Variants in RASGRP1 observed in about 807,000 individuals in gnomAD.
The protein encoded by RASGRP1 is RAS guanyl-releasing protein 1.
Under a neutral mutation model 95.1 loss-of-function variants are expected in RASGRP1, and 37 were observed. The observed-to-expected ratio is 0.39, with a 90% CI of 0.30 to 0.51. The LOEUF is 0.51. Ranked by LOEUF, RASGRP1 falls within the 20% of genes least tolerant of loss-of-function variation. The pLI, the probability that RASGRP1 is intolerant of heterozygous loss-of-function variation, is 0.80. For synonymous variants in RASGRP1, 325 were observed against 353.4 expected (o/e 0.92, Z 0.90); for missense variants, 711 against 965.4 (o/e 0.74, Z 3.49).
At chr15:38,501,801 T>C (rs58948325) in intron 12 of RASGRP1, among the ~76,000 whole-genome samples, 2,102 of 152,218 alleles carry the variant, frequency 0.014, 50 homozygotes, top group African/African-American at 0.047. Flanking sequence ...CTTTTTCTTA[T>C]TTATAGTTGA....
intron 15 of RASGRP1, among the ~76,000 whole-genome samples, chr15:38,497,776 C>T (rs1303556848): frequency 6.6e-6 from 1 of 152,152 alleles, no homozygotes; most frequent in African/African-American, 2.4e-5. Flanking sequence ...AAAGTCATTT[C>T]CTTATTGTAC....
chr15:38,521,695 CT>C (rs368284535), intron 3 of RASGRP1, among the ~76,000 whole-genome samples: 34 of 152,288 alleles, frequency 2.2e-4, no homozygotes, highest in Middle Eastern at 3.4e-3. Flanking sequence ...ATACCTTTTT[CT>C]TTTCTTCATA....
At chr15:38,539,156 G>T (rs1424550112) in intron 2 of RASGRP1, among the ~76,000 whole-genome samples, 1 of 152,146 alleles carries the variant, frequency 6.6e-6, no homozygotes, top group East Asian at 1.9e-4. Context: ...GTCTTCTGAG[G>T]TAAACCCTGC....
At chr15:38,520,837 C>G (rs1001163909) in intron 3 of RASGRP1, among the ~76,000 whole-genome samples, 1 of 152,062 alleles carries the variant, frequency 6.6e-6, no homozygotes, top group Admixed American at 6.5e-5. Context: ...ACATGCTAGA[C>G]TTATGGAAAC....
At chr15:38,492,682 A>G (rs1056864397) in intron 16 of RASGRP1, among the ~76,000 whole-genome samples, 2 of 152,158 alleles carry the variant, frequency 1.3e-5, no homozygotes, top group Non-Finnish European at 2.9e-5. Flanking sequence ...AGAAACTACT[A>G]TGCCATGGGA....
rs374931287 is a variant in RASGRP1 at position 38,499,898 on chromosome 15, C to T, written c.1720+205G>A. ...CTTTTCCCCCTTTTGCTCAGCACTT[C>T]TCCTTCCTGCCAGCATGTGAAGAAG... On this transcript the variant is annotated intron_variant, in intron 14 of 16. Transcript: ENST00000310803. 4.6e-5 allele frequency among the ~76,000 whole-genome samples: 7 copies of T among 152,298 alleles called. 1 individual carries two copies. Among genetic ancestry groups the T allele is most frequent in the African/African-American group, 1.4e-4 (6 of 41,556 alleles).
chr15:38,498,164 T>G (rs953507092), intron 15 of RASGRP1, among the ~76,000 whole-genome samples: 1 of 152,154 alleles, frequency 6.6e-6, no homozygotes, highest in South Asian at 2.1e-4. Flanking sequence ...GATTTTTCCT[T>G]CTCAATTTTA....
At chr15:38,551,069 T>A (rs1893322506) in intron 2 of RASGRP1, among the ~76,000 whole-genome samples, 1 of 152,204 alleles carries the variant, frequency 6.6e-6, no homozygotes. Context: ...TAGCTATTAC[T>A]AAAATAATAT....
At chr15:38,518,248 G>C in intron 5 of RASGRP1, 44 bp downstream of exon 5, 1 of 1,588,090 alleles carries the variant, frequency 6.3e-7, no homozygotes, top group South Asian at 1.1e-5. Context: ...TATATTACAG[G>C]AGGGAGGTGG....
chr15:38,502,946 G>A, intron 11 of RASGRP1: 1 of 366,784 alleles, frequency 2.7e-6, no homozygotes, highest in South Asian at 4.3e-5. Context: ...CAGTACAAAG[G>A]TTTTCAGTTT....
At chr15:38,552,984 A>C (rs1185935441) in intron 2 of RASGRP1, among the ~76,000 whole-genome samples, 2 of 152,188 alleles carry the variant, frequency 1.3e-5, no homozygotes, top group Non-Finnish European at 2.9e-5. Flanking sequence ...CTGACTACAT[A>C]GTTGGTGGGA....
chr15:38,531,873 C>G (rs1174551509), intron 2 of RASGRP1, among the ~76,000 whole-genome samples: 1 of 152,220 alleles, frequency 6.6e-6, no homozygotes, highest in African/African-American at 2.4e-5. Flanking sequence ...CTCTCCCACA[C>G]ATAAGCTCCA....
At chr15:38,518,800 T>G (rs1891886972) in intron 4 of RASGRP1, among the ~76,000 whole-genome samples, 1 of 152,222 alleles carries the variant, frequency 6.6e-6, no homozygotes, top group Non-Finnish European at 1.5e-5. Context: ...ATTACATGGC[T>G]ATTAAAAAGA....
At chr15:38,560,819 G>A (rs1893775370) in intron 1 of RASGRP1, among the ~76,000 whole-genome samples, 1 of 152,198 alleles carries the variant, frequency 6.6e-6, no homozygotes, top group South Asian at 2.1e-4. Flanking sequence ...CCAGCACTCA[G>A]TGTAAAAGGG....
chr15:38,499,122 A>G, intron 14 of RASGRP1, 176 bp from the exon 15 acceptor site: 1 of 852,376 alleles, frequency 1.2e-6, no homozygotes, highest in East Asian at 2.5e-5. Context: ...TGAAGCCCAG[A>G]GCTCACACTC....
At chr15:38,549,498 G>A (rs1193582224) in intron 2 of RASGRP1, among the ~76,000 whole-genome samples, 1 of 152,180 alleles carries the variant, frequency 6.6e-6, no homozygotes, top group Non-Finnish European at 1.5e-5. Flanking sequence ...GATCAGTGAA[G>A]AGGAGACAGA....
chr15:38,524,781 T>A (rs57203140), intron 3 of RASGRP1, among the ~76,000 whole-genome samples: 7,957 of 151,954 alleles, frequency 0.052, 291 homozygotes, highest in African/African-American at 0.094. Flanking sequence ...GAGACTTGAA[T>A]GTGTTTTAGG....
chr15:38,516,772 G>A (rs1034804736), intron 5 of RASGRP1, among the ~76,000 whole-genome samples: 4 of 151,974 alleles, frequency 2.6e-5, no homozygotes, highest in Admixed American at 2.0e-4. Context: ...CCAAGGCAGT[G>A]AAACAGTTTT....
intron 2 of RASGRP1, among the ~76,000 whole-genome samples, chr15:38,527,631 A>C (rs1892271842): frequency 6.7e-6 from 1 of 149,810 alleles, no homozygotes. Context: ...CAAATGAAAG[A>C]ATATACATGA....
Sources: gnomAD v4.1 joint callset for allele counts (sites outside exome capture counted in the v4.1 genomes callset) on GRCh38, gnomAD v4.1.1 for gene constraint, MANE v1.5 for transcripts, NCBI Gene and HGNC (gene_info 2026-07-23, HGNC 2026-07-21) for gene names.